JPT2: variants seen among roughly 807,000 people sequenced by gnomAD.
JPT2 encodes Jupiter microtubule associated homolog 2, also known as CRAMP_1 like.
Under a neutral mutation model 15.9 loss-of-function variants are expected in JPT2, and 9 were observed. The ratio of observed to expected loss-of-function variants is 0.57; its 90% confidence interval spans 0.34 to 0.99. The LOEUF (loss-of-function observed/expected upper bound fraction) is 0.99. Among genes scored for constraint, JPT2 ranks in the 50% least tolerant of loss-of-function variants. The pLI is 0.02. For synonymous variants in JPT2, 95 were observed against 91.7 expected (o/e 1.04, Z -0.21); for missense variants, 267 against 252.1 (o/e 1.06, Z -0.40).
chr16:1,702,782 C>A (rs1325270060), downstream of JPT2, among the ~76,000 whole-genome samples: 3 of 152,324 alleles, frequency 2.0e-5, no homozygotes, highest in East Asian at 5.8e-4. Flanking sequence ...ATGAGAGGAA[C>A]ATCACAGGGA....
chr16:1,694,771 C>A (rs1289827462), intron 3 of JPT2, among the ~76,000 whole-genome samples: 1 of 152,026 alleles, frequency 6.6e-6, no homozygotes, highest in Non-Finnish European at 1.5e-5. Flanking sequence ...GGTACAATTG[C>A]ATATGCACAT....
intron 1 of JPT2, chr16:1,680,411 T>C: frequency 8.6e-7 from 1 of 1,157,130 alleles, no homozygotes; most frequent in East Asian, 7.3e-5. Context: ...CCTGGGGGAC[T>C]GGTTTCTGGA....
chr16:1,684,666 G>A (rs2037051073), intron 1 of JPT2, among the ~76,000 whole-genome samples: 1 of 152,152 alleles, frequency 6.6e-6, no homozygotes. Flanking sequence ...CTTGAACCCA[G>A]GAGGCGGAGG....
intron 1 of JPT2, chr16:1,680,271 T>G (rs969414533): frequency 2.9e-5 from 28 of 956,340 alleles, no homozygotes; most frequent in Non-Finnish European, 3.5e-5. Flanking sequence ...TTGTTTGTGC[T>G]GCCTGGCACT....
At chr16:1,696,796 G>A (rs544062057) in intron 3 of JPT2, among the ~76,000 whole-genome samples, 15 of 152,278 alleles carry the variant, frequency 9.9e-5, no homozygotes, top group African/African-American at 3.6e-4. Flanking sequence ...ATGCCTGTTC[G>A]GATGGTGTGA....
intron 3 of JPT2, among the ~76,000 whole-genome samples, chr16:1,693,712 T>C (rs1460998806): frequency 6.6e-6 from 1 of 151,490 alleles, no homozygotes; most frequent in Non-Finnish European, 1.5e-5. Context: ...ATCGCTAGCA[T>C]CACCAGAGAA....
chr16:1,693,006 T>G (rs575763089), intron 3 of JPT2, among the ~76,000 whole-genome samples: 5 of 152,356 alleles, frequency 3.3e-5, no homozygotes, highest in African/African-American at 1.2e-4. Flanking sequence ...ATCTCTCTTG[T>G]GCTGGCATCT....
At chr16:1,683,631 C>T (rs757322499) in intron 1 of JPT2, 4 of 1,449,588 alleles carry the variant, frequency 2.8e-6, no homozygotes, top group South Asian at 2.4e-5. Context: ...GTACAGTAGC[C>T]AGCCCGTGGG....
At chr16:1,689,283 G>A (rs2037088723) in intron 2 of JPT2, 1 of 151,822 alleles carries the variant, frequency 6.6e-6, no homozygotes, top group South Asian at 2.1e-4. Context: ...TTGCAGTGGG[G>A]GCTGGGGGTT....
intron 1 of JPT2, among the ~76,000 whole-genome samples, chr16:1,678,685 T>TGC (rs1469689328): frequency 6.6e-6 from 1 of 150,914 alleles, no homozygotes; most frequent in Non-Finnish European, 1.5e-5. Flanking sequence ...TTCCGTGTGG[T>TGC]GCGTTCCGTG....
At chr16:1,683,567 C>CA in intron 1 of JPT2, 1 of 1,535,544 alleles carries the variant, frequency 6.5e-7, no homozygotes, top group South Asian at 1.2e-5. Flanking sequence ...CCTGAGTGGA[C>CA]AGGGGCCCTG....
intron 1 of JPT2, chr16:1,680,369 A>T (rs2037012807): frequency 1.3e-5 from 13 of 1,024,872 alleles, no homozygotes; most frequent in Non-Finnish European, 1.5e-5. Context: ...AGTTAGCTGC[A>T]CAGGGCCGCA....
intron 1 of JPT2, among the ~76,000 whole-genome samples, chr16:1,684,635 G>A (rs1476663915): frequency 6.6e-6 from 1 of 152,140 alleles, no homozygotes; most frequent in Non-Finnish European, 1.5e-5. Flanking sequence ...AGCTACGTGG[G>A]AGGCTGAGGC....
chr16:1,678,671 CGCGTTCCGTGTGGT>C (rs1567467007), intron 1 of JPT2, among the ~76,000 whole-genome samples: 1 of 151,850 alleles, frequency 6.6e-6, no homozygotes, highest in African/African-American at 2.4e-5. Flanking sequence ...CCTGGGCGCC[CGCGTTCCGTGTGGT>C]GCGTTCCGTG....
intron 1 of JPT2, among the ~76,000 whole-genome samples, chr16:1,683,150 G>A (rs894554907): frequency 3.9e-5 from 6 of 152,098 alleles, no homozygotes; most frequent in African/African-American, 1.4e-4. Context: ...CTAATTTTTT[G>A]TATTTTTAGT....
intron 2 of JPT2, 147 bp from the exon 3 acceptor site, chr16:1,691,696 G>T (rs565500348): frequency 8.7e-6 from 8 of 918,552 alleles, no homozygotes; most frequent in Admixed American, 8.3e-5. Context: ...AGGGGTTTCA[G>T]TCTGAGCATC....
intron 3 of JPT2, 43 bp downstream of exon 3, chr16:1,692,028 C>T: frequency 1.2e-6 from 2 of 1,606,224 alleles, no homozygotes; most frequent in Middle Eastern, 1.7e-4. Context: ...AGCGGGTATG[C>T]CAGGTGCTCT....
At chr16:1,685,372 A>T in intron 1 of JPT2, 67 bp from the exon 2 acceptor site, 1 of 1,554,584 alleles carries the variant, frequency 6.4e-7, no homozygotes, top group Non-Finnish European at 8.8e-7. Context: ...AGTTGTGCCA[A>T]AATCCTTGCA....
chr16:1,678,664 G>C (rs2036994039), intron 1 of JPT2, among the ~76,000 whole-genome samples: 1 of 152,182 alleles, frequency 6.6e-6, no homozygotes, highest in African/African-American at 2.4e-5. Context: ...CCTCGCGCCT[G>C]GGCGCCCGCG....
Sources: gnomAD v4.1 joint callset for allele counts (sites outside exome capture counted in the v4.1 genomes callset) on GRCh38, gnomAD v4.1.1 for gene constraint, MANE v1.5 for transcripts, NCBI Gene and HGNC (gene_info 2026-07-23, HGNC 2026-07-21) for gene names.